FAT3: variants seen among roughly 807,000 people sequenced by gnomAD.
FAT3 encodes the protein protocadherin Fat 3.
A neutral mutation model predicts 310.2 loss-of-function variants in FAT3; 95 were observed. That is an observed-to-expected ratio of 0.31 (90% CI 0.26 to 0.36). FAT3 has a LOEUF of 0.36. FAT3 is among the 10% of genes least tolerant of loss of function. The pLI is 1.00. For synonymous variants in FAT3, 2,314 were observed against 2,192.9 expected (o/e 1.06, Z -1.54); for missense variants, 5,408 against 5,715.6 (o/e 0.95, Z 1.74).
chr11:92,299,123 G>A (rs1946925811), intron 1 of FAT3, among the ~76,000 whole-genome samples: 1 of 152,060 alleles, frequency 6.6e-6, no homozygotes. Context: ...GTCTGGAAAG[G>A]AAGAAGAGAT....
chr11:92,362,673 A>G (rs537170224), intron 2 of FAT3, among the ~76,000 whole-genome samples: 17 of 152,260 alleles, frequency 1.1e-4, no homozygotes, highest in Admixed American at 8.5e-4. Context: ...TCCTTTGTAA[A>G]TAGTCTATTT....
intron 2 of FAT3, among the ~76,000 whole-genome samples, chr11:92,386,005 A>G (rs1422467547): frequency 6.6e-6 from 1 of 151,994 alleles, no homozygotes; most frequent in Non-Finnish European, 1.5e-5. Context: ...ACCATTAGCT[A>G]GGCATGGTGG....
chr11:92,569,704 G>A (rs1330692490), intron 3 of FAT3, among the ~76,000 whole-genome samples: 3 of 152,156 alleles, frequency 2.0e-5, no homozygotes, highest in Non-Finnish European at 4.4e-5. Flanking sequence ...CCGTATTCAT[G>A]AGAAATGTAG....
At chr11:92,872,276 CTG>C (rs1949409423) in intron 22 of FAT3, among the ~76,000 whole-genome samples, 2 of 152,188 alleles carry the variant, frequency 1.3e-5, no homozygotes, top group Admixed American at 1.3e-4. Flanking sequence ...GTGCTGAGCT[CTG>C]TGTTGAATTC....
chr11:92,325,407 C>T (rs192518661), intron 1 of FAT3, among the ~76,000 whole-genome samples: 3 of 152,282 alleles, frequency 2.0e-5, no homozygotes, highest in Admixed American at 2.0e-4. Flanking sequence ...ATGAGTATAA[C>T]AGTTTTTTGT....
intron 13 of FAT3, among the ~76,000 whole-genome samples, chr11:92,824,221 G>A (rs1215218907): frequency 6.6e-6 from 1 of 152,056 alleles, no homozygotes; most frequent in Non-Finnish European, 1.5e-5. Context: ...GCCGGGCATG[G>A]TGGTGTGTGC....
chr11:92,816,718 G>A (rs1947835392), intron 13 of FAT3, among the ~76,000 whole-genome samples: 1 of 152,208 alleles, frequency 6.6e-6, no homozygotes, highest in Admixed American at 6.5e-5. Context: ...GCTCATGCCT[G>A]TAATCCCAGC....
chr11:92,480,164 C>T (rs1433409042), intron 2 of FAT3, among the ~76,000 whole-genome samples: 2 of 152,040 alleles, frequency 1.3e-5, no homozygotes, highest in Admixed American at 6.5e-5. Flanking sequence ...ACTCAGGAGG[C>T]TGAGGCAGGA....
rs7125731 is a variant in FAT3, at chr11:92,779,531, A to T, written c.4335+5351A>T. ...CAGACTGAAACACATGAAATAGATT[A>T]AAAAAAACCCAAGTGTTTACATATA... On this transcript the variant is annotated intron_variant, in intron 7 of 27. Coordinates refer to ENST00000525166, the MANE Select transcript of FAT3 (RefSeq NM_001367949.2). 9.5e-3 allele frequency among the ~76,000 whole-genome samples: 1,443 copies of T among 152,124 alleles called. 31 individuals carry two copies. The highest frequency in any genetic ancestry group is 0.032 in the African/African-American group (1,343 of 41,546).
intron 25 of FAT3, among the ~76,000 whole-genome samples, chr11:92,887,472 C>T (rs1455177372): frequency 1.3e-5 from 2 of 152,104 alleles, no homozygotes; most frequent in African/African-American, 4.8e-5. Flanking sequence ...TGATCTCTTC[C>T]CTCTTCACTG....
chr11:92,355,182 G>C lies in FAT3; in HGVS notation c.3070G>C (p.Val1024Leu), dbSNP rs1308030009. The C allele has an allele frequency of 1.9e-6, 3 of 1,613,780 alleles. No homozygotes were observed. Among genetic ancestry groups the C allele is most frequent in the Non-Finnish European group, 2.5e-6 (3 of 1,179,848 alleles). The change falls in exon 2 of 28, where the codon GTT (valine) becomes CTT (leucine). Residue 1024 changes from valine to leucine, a missense_variant. Physicochemically the swap from Val to Leu is conservative, Grantham distance 32. Around this residue, in one of 5 missense-constraint regions of FAT3, gnomAD observed 4,588 missense variants for 4,809.8 expected, o/e 0.95. Coordinates refer to ENST00000525166, the MANE Select transcript of FAT3 (RefSeq NM_001367949.2). ...AGGGCGGCCTGTCTCTCTGTCATCT[G>C]TTTCCTTTGTTGAGGTGGAAGTGGT... ...DKGRPVSLSS[V>L]SFVEVEVVDV...
chr11:92,492,823 C>G (rs2135242574), intron 2 of FAT3, among the ~76,000 whole-genome samples: 1 of 152,182 alleles, frequency 6.6e-6, no homozygotes. Flanking sequence ...ATTTAAAATT[C>G]TTGGCACTCA....
Position 92,840,769 on chromosome 11 carries a change from C to A in FAT3, c.10566+10C>A, listed in dbSNP as rs1203211885. The A allele has an allele frequency of 6.5e-7, 1 of 1,546,750 alleles. No individual in the cohort carries two copies. Among genetic ancestry groups the A allele is most frequent in the East Asian group, 2.3e-5 (1 of 43,634 alleles). ...CGTGTTGTGTGTCCAGGTATGGCAT[C>A]GCACTCTGTCTCCGTCGTGCTGTCT... On this transcript the variant is annotated intron_variant, in intron 18 of 27. Transcript: ENST00000525166.
At chr11:92,297,177 A>G (rs768124619) in intron 1 of FAT3, among the ~76,000 whole-genome samples, 10 of 152,118 alleles carry the variant, frequency 6.6e-5, no homozygotes, top group Non-Finnish European at 1.3e-4. Context: ...CTCTTTCATG[A>G]AGCCCTCCTT....
Position 92,790,137 on chromosome 11 carries a change from G to T in FAT3, c.4530G>T (p.Arg1510=), listed in dbSNP as rs1947000465. 1 of 1,613,678 alleles carries T rather than the reference G, an allele frequency of 6.2e-7. No homozygotes were observed. The highest frequency in any genetic ancestry group is 1.7e-5 in the Admixed American group (1 of 59,978). The change falls in exon 8 of 28, where the codon CGG becomes CGT. Residue 1510 remains arginine (R), a synonymous_variant. Coordinates refer to ENST00000525166, the MANE Select transcript of FAT3 (RefSeq NM_001367949.2). ...ACTCCATCAGCATGAGAAAATTCCGGATTGACCCTAGCACTGGCGTGCTCT... is the reference window on the plus strand; with the variant it reads ...ACTCCATCAGCATGAGAAAATTCCGTATTGACCCTAGCACTGGCGTGCTCT... The part of the protein sequence containing the change: ...SIDSISMRKF[R]IDPSTGVLYT...
At chr11:92,654,625 T>C (rs542831508) in intron 3 of FAT3, among the ~76,000 whole-genome samples, 1 of 152,208 alleles carries the variant, frequency 6.6e-6, no homozygotes. Context: ...ACTTCCAAGG[T>C]GTCAGTAAGT....
At chr11:92,407,962 G>A (rs1426376641) in intron 2 of FAT3, 2 of 152,192 alleles carry the variant, frequency 1.3e-5, no homozygotes, top group Non-Finnish European at 2.9e-5. Flanking sequence ...AGGCAAAGTG[G>A]TGGCAAAGAG....
At position 92,486,130 on chromosome 11, in the gene FAT3, G is replaced by GTTTT. The variant is rs71064714; in HGVS notation, c.3293-38479_3293-38476dup. 9.6e-3 allele frequency among the ~76,000 whole-genome samples: 357 copies of GTTTT among 37,120 alleles called. 32 individuals are homozygous for GTTTT. The highest frequency in any genetic ancestry group is 0.021 in the African/African-American group (243 of 11,542). The allele number at this position is 37,120 out of a possible 152,430, so 24.4% of individuals were successfully genotyped here. ...GTGAAATAGAGGAGAGGCTGCTGGG[G>GTTTT]TTTTTTTTTTTTTTTTTTTTTTTTT... On this transcript the variant is annotated intron_variant, in intron 2 of 27. Transcript: ENST00000525166.
At chr11:92,863,148 A>G (rs565694399) in intron 21 of FAT3, among the ~76,000 whole-genome samples, 2 of 152,130 alleles carry the variant, frequency 1.3e-5, no homozygotes, top group African/African-American at 2.4e-5. Context: ...AGATCTCACC[A>G]TGTTCCCCAG....
Sources: gnomAD v4.1 joint callset for allele counts (sites outside exome capture counted in the v4.1 genomes callset) on GRCh38, gnomAD v4.1.1 for gene constraint, gnomAD v4.1.1 regional missense constraint, MANE v1.5 for transcripts, NCBI Gene and HGNC (gene_info 2026-07-23, HGNC 2026-07-21) for gene names.